The following KCNIP4 variants were observed in gnomAD, a reference collection of about 807,000 sequenced individuals.
KCNIP4 encodes Kv channel-interacting protein 4.
In KCNIP4, 12 loss-of-function variants were observed where a neutral mutation model predicts 34.0. The observed-to-expected ratio is 0.35, with a 90% CI of 0.23 to 0.57. KCNIP4 has a LOEUF of 0.57. Among genes scored for constraint, KCNIP4 ranks in the 20% least tolerant of loss-of-function variants. KCNIP4 has a pLI of 0.83. For synonymous variants in KCNIP4, 124 were observed against 102.2 expected, an observed-to-expected ratio of 1.21 and a Z score of -1.29; for missense variants, 238 against 311.7, an observed-to-expected ratio of 0.76 and a Z score of 1.78.
chr4:21,935,391 C>T (rs978458202), intron 1 of KCNIP4, among the ~76,000 whole-genome samples: 20 of 152,056 alleles, frequency 1.3e-4, no homozygotes, highest in African/African-American at 2.7e-4. Context: ...ATAAAATCCA[C>T]GTTTCTTAGA....
chr4:20,780,767 A>T (rs1229738390), intron 3 of KCNIP4, among the ~76,000 whole-genome samples: 2 of 152,348 alleles, frequency 1.3e-5, no homozygotes, highest in Admixed American at 1.3e-4. Flanking sequence ...AAGAGACAGC[A>T]TCCTGATACA....
At chr4:21,718,219 A>C (rs1714533773) in intron 1 of KCNIP4, among the ~76,000 whole-genome samples, 1 of 152,182 alleles carries the variant, frequency 6.6e-6, no homozygotes, top group Non-Finnish European at 1.5e-5. Context: ...AATAGTTTCA[A>C]CTCATCTGGT....
intron 3 of KCNIP4, among the ~76,000 whole-genome samples, chr4:20,848,715 A>T (rs992983359): frequency 3.3e-5 from 5 of 152,172 alleles, no homozygotes; most frequent in African/African-American, 1.2e-4. Context: ...ACATAGCAGC[A>T]GTCGAGGAAT....
chr4:21,494,554 C>T (rs2109869413), intron 1 of KCNIP4, among the ~76,000 whole-genome samples: 1 of 151,998 alleles, frequency 6.6e-6, no homozygotes, highest in Admixed American at 6.6e-5. Flanking sequence ...GTGGGCGGAC[C>T]ATGAGGTCAG....
intron 1 of KCNIP4, among the ~76,000 whole-genome samples, chr4:21,673,033 A>G (rs997747766): frequency 6.6e-6 from 1 of 152,194 alleles, no homozygotes; most frequent in Non-Finnish European, 1.5e-5. Flanking sequence ...CAACCAGAAT[A>G]AATACTGCAG....
At chr4:20,733,881 C>T (rs1748954166) in intron 6 of KCNIP4, among the ~76,000 whole-genome samples, 1 of 152,250 alleles carries the variant, frequency 6.6e-6, no homozygotes, top group South Asian at 2.1e-4. Flanking sequence ...TGACCTGGCA[C>T]ACTTGCACCT....
At chr4:21,657,546 T>G (rs1748063949) in intron 1 of KCNIP4, among the ~76,000 whole-genome samples, 1 of 152,202 alleles carries the variant, frequency 6.6e-6, no homozygotes, top group Non-Finnish European at 1.5e-5. Flanking sequence ...CATTATTTGA[T>G]ATATTATAGT....
At chr4:21,122,219 T>C (rs1238402554) in intron 1 of KCNIP4, among the ~76,000 whole-genome samples, 1 of 151,708 alleles carries the variant, frequency 6.6e-6, no homozygotes, top group Non-Finnish European at 1.5e-5. Context: ...AATCAATATT[T>C]TCCCCCAGGT....
intron 1 of KCNIP4, among the ~76,000 whole-genome samples, chr4:21,629,310 T>C (rs139815426): frequency 2.2e-3 from 342 of 152,344 alleles, no homozygotes; most frequent in African/African-American, 7.5e-3. Context: ...CTTCATCAGA[T>C]GTAACTGATT....
intron 1 of KCNIP4, among the ~76,000 whole-genome samples, chr4:21,208,577 A>AT (rs1560175297): frequency 6.6e-6 from 1 of 150,832 alleles, no homozygotes; most frequent in Non-Finnish European, 1.5e-5. Context: ...TTTGATTCTT[A>AT]TTTTTTTCTG....
rs372009923 is a variant in KCNIP4 at position 21,083,745 on chromosome 4, A to G, written c.62-201036T>C. On this transcript the variant is annotated intron_variant, in intron 1 of 8. Coordinates refer to ENST00000382152, the MANE Select transcript of KCNIP4 (RefSeq NM_025221.6). The stretch of plus-strand genomic sequence containing the variant: ...TGGCCTTCCTAACTGAAGAGATAAT[A>G]AATATCTATTGTGTTAAGCCAACAA... Among the ~76,000 whole-genome samples the G allele has an allele frequency of 6.6e-5, 10 of 152,054 alleles. No individual in the cohort carries two copies. The East Asian group carries it at 1.7e-3, about 26-fold the overall frequency.
At chr4:21,527,197 T>C (rs1014194847) in intron 1 of KCNIP4, among the ~76,000 whole-genome samples, 1 of 152,166 alleles carries the variant, frequency 6.6e-6, no homozygotes, top group Non-Finnish European at 1.5e-5. Flanking sequence ...TAATAATGAA[T>C]ATGATTTGTT....
chr4:20,993,108 G>A lies in KCNIP4; in HGVS notation c.62-110399C>T, dbSNP rs187419229. 1.6e-4 allele frequency among the ~76,000 whole-genome samples: 24 copies of A among 151,742 alleles called. 1 individual carries two copies. Among genetic ancestry groups the A allele is most frequent in the African/African-American group, 5.3e-4 (22 of 41,350 alleles). ...TACCAGAATGCAGGGCATGGGTCAT[G>A]GTAGGCCTTCACTCTCTAAGGGCTA... On this transcript the variant is annotated intron_variant, in intron 1 of 8. Transcript: ENST00000382152.
intron 1 of KCNIP4, among the ~76,000 whole-genome samples, chr4:21,773,542 T>C (rs1364766969): frequency 6.6e-6 from 1 of 152,186 alleles, no homozygotes; most frequent in Non-Finnish European, 1.5e-5. Context: ...TATTATTGTG[T>C]GGCAGTCTAA....
chr4:21,777,952 T>G (rs912741797), intron 1 of KCNIP4, among the ~76,000 whole-genome samples: 1 of 152,104 alleles, frequency 6.6e-6, no homozygotes, highest in Non-Finnish European at 1.5e-5. Flanking sequence ...AATCATATAA[T>G]CTATTTTTGA....
intron 1 of KCNIP4, among the ~76,000 whole-genome samples, chr4:21,119,786 G>T (rs916174499): frequency 6.6e-6 from 1 of 152,030 alleles, no homozygotes; most frequent in African/African-American, 2.4e-5. Flanking sequence ...AGCAGGTTTA[G>T]TTAGAAGTTA....
intron 1 of KCNIP4, among the ~76,000 whole-genome samples, chr4:21,587,883 T>C (rs1219785923): frequency 6.6e-6 from 1 of 152,184 alleles, no homozygotes; most frequent in Non-Finnish European, 1.5e-5. Flanking sequence ...CCCTGTTAAA[T>C]GCTTACATAA....
chr4:21,212,265 C>T (rs139682507), intron 1 of KCNIP4, among the ~76,000 whole-genome samples: 2 of 152,326 alleles, frequency 1.3e-5, no homozygotes, highest in African/African-American at 4.8e-5. Context: ...CATGTCTCTG[C>T]TTCTAAGTTG....
intron 1 of KCNIP4, among the ~76,000 whole-genome samples, chr4:21,242,964 G>C (rs1759962792): frequency 6.6e-6 from 1 of 151,712 alleles, no homozygotes; most frequent in Non-Finnish European, 1.5e-5. Context: ...ACAGTAACCA[G>C]TCAACAAGTT....
Sources: allele counts gnomAD v4.1 joint callset (sites outside exome capture counted in the v4.1 genomes callset), GRCh38; gene constraint gnomAD v4.1.1; transcripts MANE v1.5; gene names NCBI Gene and HGNC (gene_info 2026-07-23, HGNC 2026-07-21).